PTPRD: variants seen among roughly 807,000 people sequenced by gnomAD.
PTPRD encodes protein tyrosine phosphatase receptor type D, also known as receptor-type tyrosine-protein phosphatase delta.
In PTPRD, 34 loss-of-function variants were observed where a neutral mutation model predicts 214.5. The observed-to-expected ratio is 0.16, with a 90% CI of 0.12 to 0.21. The LOEUF is 0.21. PTPRD is among the 10% of genes least tolerant of loss of function. The pLI is 1.00. For missense variants in PTPRD, 2,545 were observed against 2,398.7 expected, an observed-to-expected ratio of 1.06 and a Z score of -1.27; for synonymous variants, 1,128 against 845.7, an observed-to-expected ratio of 1.33 and a Z score of -5.79.
At chr9:10,280,125 A>G (rs1167142926) in intron 3 of PTPRD, among the ~76,000 whole-genome samples, 1 of 152,086 alleles carries the variant, frequency 6.6e-6, no homozygotes, top group Non-Finnish European at 1.5e-5. Context: ...ATTCAAATAA[A>G]TCAGGAGATC....
At chr9:10,108,739 GA>G (rs921623349) in intron 3 of PTPRD, among the ~76,000 whole-genome samples, 1 of 151,794 alleles carries the variant, frequency 6.6e-6, no homozygotes, top group African/African-American at 2.4e-5. Flanking sequence ...TGAATGAATG[GA>G]AAAAAATGTG....
At chr9:8,627,203 T>C (rs1324093998) in intron 14 of PTPRD, among the ~76,000 whole-genome samples, 2 of 151,810 alleles carry the variant, frequency 1.3e-5, no homozygotes, top group African/African-American at 4.8e-5. Flanking sequence ...ACATGTCAGC[T>C]GGAAGAACAT....
chr9:9,711,736 G>A (rs868555378), intron 7 of PTPRD, among the ~76,000 whole-genome samples: 2 of 152,150 alleles, frequency 1.3e-5, no homozygotes, highest in South Asian at 4.1e-4. Flanking sequence ...ACACTGCTAA[G>A]CGTTCTGTAA....
intron 9 of PTPRD, among the ~76,000 whole-genome samples, chr9:9,365,289 A>C (rs2057563178): frequency 6.6e-6 from 1 of 151,570 alleles, no homozygotes; most frequent in African/African-American, 2.4e-5. Flanking sequence ...GTGAGATTTA[A>C]AAGGTAGTGT....
chr9:9,383,872 T>C (rs965457727), intron 9 of PTPRD, among the ~76,000 whole-genome samples: 1 of 152,044 alleles, frequency 6.6e-6, no homozygotes, highest in Non-Finnish European at 1.5e-5. Context: ...ATCCTGATAA[T>C]CATTGTTCCA....
chr9:10,309,082 T>C (rs913785010), intron 3 of PTPRD, among the ~76,000 whole-genome samples: 1 of 152,042 alleles, frequency 6.6e-6, no homozygotes, highest in Non-Finnish European at 1.5e-5. Flanking sequence ...CAAGAGTATA[T>C]ATGGGTACTA....
intron 8 of PTPRD, among the ~76,000 whole-genome samples, chr9:9,514,950 T>C (rs2096798145): frequency 6.6e-6 from 1 of 152,124 alleles, no homozygotes; most frequent in African/African-American, 2.4e-5. Context: ...GGGGCTGATT[T>C]GAGGACTTTT....
At chr9:9,118,106 A>G (rs1176537905) in intron 10 of PTPRD, among the ~76,000 whole-genome samples, 1 of 152,158 alleles carries the variant, frequency 6.6e-6, no homozygotes, top group Admixed American at 6.5e-5. Context: ...AAACACCCAC[A>G]CTTGGGTTTT....
intron 12 of PTPRD, among the ~76,000 whole-genome samples, chr9:8,711,655 A>G (rs756831042): frequency 5.3e-5 from 8 of 152,054 alleles, no homozygotes; most frequent in Non-Finnish European, 8.8e-5. Context: ...ATTAGCCCAG[A>G]CCCCATCTAC....
chr9:9,403,824 G>C (rs2072009536), intron 8 of PTPRD, among the ~76,000 whole-genome samples: 1 of 152,010 alleles, frequency 6.6e-6, no homozygotes, highest in Non-Finnish European at 1.5e-5. Flanking sequence ...GTGGCATGGA[G>C]AGGCAAGAGA....
At chr9:8,353,727 C>G (rs1425195983) in intron 39 of PTPRD, among the ~76,000 whole-genome samples, 5 of 151,972 alleles carry the variant, frequency 3.3e-5, no homozygotes, top group Admixed American at 3.3e-4. Flanking sequence ...AGCCACTGCA[C>G]CCAGCCAGTA....
intron 9 of PTPRD, among the ~76,000 whole-genome samples, chr9:9,272,635 A>G (rs776264591): frequency 7.9e-5 from 12 of 151,368 alleles, no homozygotes; most frequent in Non-Finnish European, 1.5e-4. Context: ...TTGAGCCTCA[A>G]ATTGTTTTTT....
chr9:9,623,872 G>A (rs2095329832), intron 7 of PTPRD, among the ~76,000 whole-genome samples: 2 of 152,116 alleles, frequency 1.3e-5, no homozygotes, highest in African/African-American at 2.4e-5. Context: ...TTTTTCCCGT[G>A]CAATCTCTCT....
At chr9:9,929,585 G>T (rs560219395) in intron 5 of PTPRD, among the ~76,000 whole-genome samples, 1 of 152,184 alleles carries the variant, frequency 6.6e-6, no homozygotes, top group Admixed American at 6.5e-5. Context: ...GTAGAGACAG[G>T]GTTTCACCAT....
At chr9:8,754,842 A>T (rs1027974119) in intron 11 of PTPRD, among the ~76,000 whole-genome samples, 2 of 152,202 alleles carry the variant, frequency 1.3e-5, no homozygotes, top group Admixed American at 1.3e-4. Flanking sequence ...CCCTGAAGCT[A>T]TCCATTTCTA....
intron 2 of PTPRD, among the ~76,000 whole-genome samples, chr9:10,591,923 C>G (rs558852552): frequency 2.2e-4 from 33 of 152,230 alleles, no homozygotes; most frequent in African/African-American, 6.5e-4. Context: ...GCTACAGACC[C>G]TAACTCCCAC....
At chr9:8,563,938 T>C (rs1054930130) in intron 14 of PTPRD, among the ~76,000 whole-genome samples, 1 of 152,224 alleles carries the variant, frequency 6.6e-6, no homozygotes, top group African/African-American at 2.4e-5. Context: ...AGTGCTGGGA[T>C]TGCAGGCGTG....
At chr9:9,982,860 A>C (rs528328132) in intron 4 of PTPRD, among the ~76,000 whole-genome samples, 26 of 152,256 alleles carry the variant, frequency 1.7e-4, no homozygotes, top group Non-Finnish European at 2.6e-4. Flanking sequence ...CAGCTTCCTC[A>C]CAAATCAAGC....
chr9:8,339,727 A>C (rs1315767442), intron 42 of PTPRD, among the ~76,000 whole-genome samples: 1 of 152,132 alleles, frequency 6.6e-6, no homozygotes, highest in East Asian at 1.9e-4. Flanking sequence ...AATAATGCTT[A>C]CATCAAGTCA....
Sources: allele counts gnomAD v4.1 joint callset (sites outside exome capture counted in the v4.1 genomes callset), GRCh38; gene constraint gnomAD v4.1.1; transcripts MANE v1.5; gene names NCBI Gene and HGNC (gene_info 2026-07-23, HGNC 2026-07-21).